The following EXOC4 variants were observed in gnomAD, a reference collection of about 807,000 sequenced individuals.
The protein encoded by EXOC4 is exocyst complex component 4.
A neutral mutation model predicts 107.2 loss-of-function variants in EXOC4; 71 were observed. The observed-to-expected ratio is 0.66, with a 90% CI of 0.55 to 0.81. EXOC4 has a LOEUF of 0.81. EXOC4 is among the 30% of genes least tolerant of loss of function. The pLI, the probability that EXOC4 is intolerant of heterozygous loss-of-function variation, is 0.00. For synonymous variants in EXOC4, 456 were observed against 441.2 expected (o/e 1.03, Z -0.42); for missense variants, 1,108 against 1,189.6 (o/e 0.93, Z 1.01).
chr7:133,558,221 CTTTTCTTTTCTTT>C (rs1563107461), intron 9 of EXOC4, among the ~76,000 whole-genome samples: 1 of 99,620 alleles, frequency 1.0e-5, no homozygotes, highest in East Asian at 2.2e-4. Context: ...CTTTTCTTTT[CTTTTCTTTTCTTT>C]TCTTTTCTTT....
intron 6 of EXOC4, among the ~76,000 whole-genome samples, chr7:133,362,259 C>T (rs181137115): frequency 6.6e-6 from 1 of 152,088 alleles, no homozygotes; most frequent in African/African-American, 2.4e-5. Flanking sequence ...ATATTTATAT[C>T]TTTGATACAT....
chr7:134,068,693 A>C (rs1356927754), downstream of EXOC4, among the ~76,000 whole-genome samples: 2 of 152,088 alleles, frequency 1.3e-5, no homozygotes, highest in East Asian at 3.9e-4. Context: ...GAGTAACCCC[A>C]TTCCAAGAAG....
At chr7:133,933,001 T>G (rs1800215861) in intron 13 of EXOC4, among the ~76,000 whole-genome samples, 1 of 152,080 alleles carries the variant, frequency 6.6e-6, no homozygotes, top group Admixed American at 6.5e-5. Context: ...TGAAACCTTT[T>G]GTAATGTTTC....
intron 14 of EXOC4, among the ~76,000 whole-genome samples, chr7:133,985,873 CT>C (rs1367768091): frequency 6.6e-6 from 1 of 152,104 alleles, no homozygotes; most frequent in African/African-American, 2.4e-5. Context: ...ATTCTTATCC[CT>C]TTTTTCCTTC....
chr7:133,781,593 G>A (rs13222377), intron 10 of EXOC4, among the ~76,000 whole-genome samples: 21,645 of 152,226 alleles, frequency 0.14, 1,938 homozygotes, highest in South Asian at 0.25. Context: ...CAGTGTCAGG[G>A]CTAAGTAATT....
intron 7 of EXOC4, among the ~76,000 whole-genome samples, chr7:133,403,505 G>A (rs922543602): frequency 6.7e-6 from 1 of 149,574 alleles, no homozygotes; most frequent in Admixed American, 6.6e-5. Flanking sequence ...ATAGTGATTG[G>A]CAATTAGAAT....
At chr7:133,327,218 T>C (rs1795268543) in intron 5 of EXOC4, among the ~76,000 whole-genome samples, 1 of 152,224 alleles carries the variant, frequency 6.6e-6, no homozygotes, top group Non-Finnish European at 1.5e-5. Context: ...CCCACTGTCC[T>C]GCCCCCACTG....
At chr7:133,440,696 C>T (rs1387981053) in intron 7 of EXOC4, among the ~76,000 whole-genome samples, 1 of 152,210 alleles carries the variant, frequency 6.6e-6, no homozygotes, top group African/African-American at 2.4e-5. Flanking sequence ...GTGGTCCTCA[C>T]TGCTACACTC....
At chr7:133,963,333 G>A (rs1800989166) in intron 14 of EXOC4, among the ~76,000 whole-genome samples, 1 of 152,208 alleles carries the variant, frequency 6.6e-6, no homozygotes. Flanking sequence ...ACATTTTAGG[G>A]TATACATTAA....
chr7:133,860,078 A>C (rs74787791), intron 11 of EXOC4, among the ~76,000 whole-genome samples: 3,934 of 152,270 alleles, frequency 0.026, 112 homozygotes, highest in Non-Finnish European at 0.032. Flanking sequence ...CCTACTATTC[A>C]ACCTATGCAG....
At chr7:133,254,573 G>A (rs1410150125) in intron 1 of EXOC4, among the ~76,000 whole-genome samples, 2 of 152,100 alleles carry the variant, frequency 1.3e-5, no homozygotes. Context: ...TTAAACAATA[G>A]GTATTTAGTG....
chr7:133,559,107 G>A (rs571896207), intron 9 of EXOC4, among the ~76,000 whole-genome samples: 1 of 152,178 alleles, frequency 6.6e-6, no homozygotes, highest in East Asian at 1.9e-4. Context: ...CAAATTACCT[G>A]TTCTTATCCC....
chr7:134,039,091 A>C (rs1795456241), intron 17 of EXOC4, among the ~76,000 whole-genome samples: 1 of 152,158 alleles, frequency 6.6e-6, no homozygotes, highest in Non-Finnish European at 1.5e-5. Flanking sequence ...GTATGGTCTG[A>C]GTTGACATCT....
At chr7:133,336,144 C>T (rs1234133005) in intron 5 of EXOC4, among the ~76,000 whole-genome samples, 2 of 152,092 alleles carry the variant, frequency 1.3e-5, no homozygotes, top group Non-Finnish European at 2.9e-5. Flanking sequence ...CATAGGTTGC[C>T]TTTTAGCTCT....
At chr7:133,868,624 A>G (rs1798690826) in intron 11 of EXOC4, among the ~76,000 whole-genome samples, 1 of 152,104 alleles carries the variant, frequency 6.6e-6, no homozygotes, top group African/African-American at 2.4e-5. Context: ...GTCCAGATGT[A>G]CCTGGGGCTG....
At chr7:133,447,403 T>C (rs1358083750) in intron 7 of EXOC4, 5 of 152,134 alleles carry the variant, frequency 3.3e-5, no homozygotes, top group Non-Finnish European at 7.4e-5. Context: ...TATATTATTA[T>C]TCTTACTGTA....
At chr7:133,981,083 C>A (rs940854766) in intron 14 of EXOC4, among the ~76,000 whole-genome samples, 16 of 152,186 alleles carry the variant, frequency 1.1e-4, no homozygotes, top group African/African-American at 3.4e-4. Flanking sequence ...TTTACACCTG[C>A]AAAGTCTGTA....
intron 6 of EXOC4, among the ~76,000 whole-genome samples, chr7:133,371,949 C>T (rs1395980475): frequency 1.8e-4 from 27 of 152,124 alleles, no homozygotes; most frequent in Admixed American, 1.8e-3. Context: ...AATTCTAGCT[C>T]ATTGTGATTT....
At chr7:133,645,356 T>A (rs1488072981) in intron 10 of EXOC4, among the ~76,000 whole-genome samples, 1 of 151,540 alleles carries the variant, frequency 6.6e-6, no homozygotes, top group Non-Finnish European at 1.5e-5. Flanking sequence ...CCTCCCAGAG[T>A]GCTAGGATTA....
Sources: gnomAD v4.1 joint callset for allele counts (sites outside exome capture counted in the v4.1 genomes callset) on GRCh38, gnomAD v4.1.1 for gene constraint, MANE v1.5 for transcripts, NCBI Gene and HGNC (gene_info 2026-07-23, HGNC 2026-07-21) for gene names.